DNAH11: variants seen among roughly 807,000 people sequenced by gnomAD.
DNAH11 encodes the protein axonemal beta dynein heavy chain 11.
A neutral mutation model predicts 526.0 loss-of-function variants in DNAH11; 442 were observed. The ratio of observed to expected loss-of-function variants is 0.84; its 90% CI spans 0.78 to 0.91. DNAH11 has a LOEUF of 0.91. Ranked by LOEUF, DNAH11 falls within the 40% of genes least tolerant of loss-of-function variation. The pLI is 0.00. For missense variants in DNAH11, 6,989 were observed against 5,448.7 expected (o/e 1.28, Z -8.90); for synonymous variants, 2,461 against 1,935.9 (o/e 1.27, Z -7.12).
At position 21,807,963 on chromosome 7, in the gene DNAH11, G is replaced by A; in HGVS notation, c.10246G>A (p.Ala3416Thr). 1.2e-6 allele frequency: 2 copies of A among 1,608,270 alleles called. No individual in the cohort carries two copies. The highest frequency in any genetic ancestry group is 2.2e-5 in the East Asian group (1 of 44,816). Residue 3416 changes from alanine (A) to threonine (T), a missense_variant, in exon 63 of 82, where the codon GCA (alanine) becomes ACA (threonine). Physicochemically the swap from Ala to Thr is moderately conservative, Grantham distance 58 (BLOSUM62 0). Transcript: ENST00000409508. ...TLCGDVLLTA[A>T]FVSYVGPFTR... Reference sequence around the variant, plus strand: ...CTGTGGAGATGTTCTTCTCACGGCGGCATTTGTGTCTTACGTCGGACCCTT... The same window carrying A: ...CTGTGGAGATGTTCTTCTCACGGCGACATTTGTGTCTTACGTCGGACCCTT...
At chr7:21,566,979 G>GA (rs992500624) in intron 6 of DNAH11, among the ~76,000 whole-genome samples, 3 of 152,054 alleles carry the variant, frequency 2.0e-5, no homozygotes, top group Non-Finnish European at 4.4e-5. Context: ...ACAGTATGCA[G>GA]AAAAAAACTA....
intron 46 of DNAH11, 93 bp from the exon 47 acceptor site, chr7:21,738,608 A>T: frequency 7.6e-7 from 1 of 1,315,396 alleles, no homozygotes; most frequent in Admixed American, 2.6e-5. Context: ...AGGGTGGATG[A>T]AATCGACAGA....
At chr7:21,900,945 CTT>C in intron 81 of DNAH11, 60 bp from the exon 82 acceptor site, 1 of 1,086,414 alleles carries the variant, frequency 9.2e-7, no homozygotes, top group Non-Finnish European at 1.3e-6. Flanking sequence ...AAACAACTTA[CTT>C]GATCATTATC....
Position 21,564,236 on chromosome 7 carries a change from C to T in DNAH11, c.1033C>T (p.His345Tyr). The T allele has an allele frequency of 6.2e-7, 1 of 1,612,468 alleles. No individual in the cohort carries two copies. The highest frequency in any genetic ancestry group is 8.5e-7 in the Non-Finnish European group (1 of 1,179,150). Residue 345 changes from histidine to tyrosine, a missense_variant, in exon 6 of 82, where the codon CAC becomes TAC. Coordinates refer to ENST00000409508, the MANE Select transcript of DNAH11 (RefSeq NM_001277115.2). ...VELYLRPLRR[H>Y]IQCLQETEFP... is the part of the protein sequence containing the mutation. ...ACTTTACCTGAGACCTCTGAGGAGA[C>T]ACATCCAGTGTCTCCAGGAGACGGA...
At chr7:21,821,910 T>C (rs1279464616) in intron 65 of DNAH11, among the ~76,000 whole-genome samples, 2 of 152,036 alleles carry the variant, frequency 1.3e-5, no homozygotes, top group Non-Finnish European at 2.9e-5. Context: ...CCTCTTTGCC[T>C]CCATGAGACC....
chr7:21,819,201 C>T (rs1789948457), intron 65 of DNAH11, among the ~76,000 whole-genome samples: 1 of 152,072 alleles, frequency 6.6e-6, no homozygotes, highest in Non-Finnish European at 1.5e-5. Flanking sequence ...TTCAGAACTT[C>T]CCCCACCCTG....
rs568599378 is a variant in DNAH11 at position 21,724,869 on chromosome 7, G to A, written c.7267-942G>A. 1.4e-4 allele frequency among the ~76,000 whole-genome samples: 19 copies of A among 135,966 alleles called. No individual in the cohort carries two copies. The South Asian group carries it at 4.6e-3, about 33-fold the overall frequency. The allele number at this position is 135,966 out of a possible 152,430, so 89.2% of individuals were successfully genotyped here. ...CAGTGACTGGACCAGATCATCCTAG[G>A]GATATAGGAGTCTCTGGGCCAGATT... On this transcript the variant is annotated intron_variant, in intron 44 of 81. Coordinates refer to ENST00000409508, the MANE Select transcript of DNAH11 (RefSeq NM_001277115.2).
chr7:21,653,391 A>G (rs529534579), intron 28 of DNAH11, among the ~76,000 whole-genome samples: 1 of 152,308 alleles, frequency 6.6e-6, no homozygotes, highest in African/African-American at 2.4e-5. Context: ...CAACTATGCC[A>G]TGTATAAGAA....
chr7:21,647,210 A>G (rs1787394490), intron 28 of DNAH11, among the ~76,000 whole-genome samples: 1 of 152,172 alleles, frequency 6.6e-6, no homozygotes, highest in African/African-American at 2.4e-5. Context: ...AAAGTACAAA[A>G]GTGTAAATTC....
Position 21,690,845 on chromosome 7 carries a change from G to A in DNAH11, c.6005G>A (p.Arg2002Gln), listed in dbSNP as rs755849132. The A allele has an allele frequency of 1.2e-5, 20 of 1,612,568 alleles. No individual in the cohort carries two copies. Among genetic ancestry groups the A allele is most frequent in the Admixed American group, 1.0e-4 (6 of 59,758 alleles). Residue 2002 changes from arginine (R) to glutamine (Q), a missense_variant, in exon 35 of 82, where the codon CGA (arginine) becomes CAA (glutamine). Arg to Gln is a conservative substitution (Grantham distance 43). Transcript: ENST00000409508. ...FITMNPGYAG[R>Q]TELPENLKAL... ...ACTATGAACCCGGGTTATGCTGGTCGAACCGAATTACCGGAAAATCTCAAA... is the reference window on the plus strand; with the variant it reads ...ACTATGAACCCGGGTTATGCTGGTCAAACCGAATTACCGGAAAATCTCAAA...
Position 21,800,828 on chromosome 7 carries a change from T to C in DNAH11, c.10027-309T>C, listed in dbSNP as rs561149624. On this transcript the variant is annotated intron_variant, in intron 61 of 81. Coordinates refer to ENST00000409508, the MANE Select transcript of DNAH11 (RefSeq NM_001277115.2). ...GTGCAAGAGCAGAGGGGGATGATAG[T>C]GCACCCACGGCGTATTTGCATCTTC... 7.2e-5 allele frequency among the ~76,000 whole-genome samples: 11 copies of C among 152,236 alleles called. No individual in the cohort carries two copies. The South Asian group carries it at 2.1e-3, about 29-fold the overall frequency.
chr7:21,735,999 G>A (rs1373448390), intron 46 of DNAH11, among the ~76,000 whole-genome samples, 155 bp downstream of exon 46: 1 of 152,168 alleles, frequency 6.6e-6, no homozygotes, highest in Non-Finnish European at 1.5e-5. Context: ...TTAAATATAC[G>A]TTGTTTAAAT....
Position 21,856,308 on chromosome 7 carries a change from T to C in DNAH11, c.11202+1853T>C, listed in dbSNP as rs184882630. On this transcript the variant is annotated intron_variant, in intron 68 of 81. Transcript: ENST00000409508. ...AGATATGATTTGAAGCTGGAATCAT[T>C]GGCTCCTGGAGATGGACTGGTTATG... Among the ~76,000 whole-genome samples, 11 of 152,278 alleles carry C rather than the reference T, an allele frequency of 7.2e-5. No homozygotes were observed. In the East Asian group the frequency reaches 1.9e-3, roughly 27 times the overall value.
At chr7:21,666,913 CAT>C (rs1782442607) in intron 30 of DNAH11, among the ~76,000 whole-genome samples, 1 of 151,782 alleles carries the variant, frequency 6.6e-6, no homozygotes, top group Middle Eastern at 3.4e-3. Context: ...TGAAAAAAAA[CAT>C]AGTGTTCCTA....
At chr7:21,821,179 T>C (rs1488892549) in intron 65 of DNAH11, among the ~76,000 whole-genome samples, 1 of 152,196 alleles carries the variant, frequency 6.6e-6, no homozygotes, top group Admixed American at 6.6e-5. Flanking sequence ...GAGAGATGTA[T>C]ATAGGAATGA....
In DNAH11 at chr7:21,752,204, G is replaced by T. The variant is rs1051383961; in HGVS notation, c.8940+1840G>T. On this transcript the variant is annotated intron_variant, in intron 54 of 81. Coordinates refer to ENST00000409508, the MANE Select transcript of DNAH11 (RefSeq NM_001277115.2). ...GTGTATATCTTTCATGCTCAACTTT[G>T]CTTGCTTCTACAGGATAAATTCCTA... Among the ~76,000 whole-genome samples, 5 of 152,326 alleles carry T rather than the reference G, an allele frequency of 3.3e-5. No homozygotes were observed. The East Asian group carries it at 5.8e-4, about 18-fold the overall frequency.
intron 57 of DNAH11, among the ~76,000 whole-genome samples, chr7:21,784,153 C>A (rs1168760404): frequency 6.6e-6 from 1 of 152,134 alleles, no homozygotes; most frequent in Admixed American, 6.5e-5. Context: ...ATTAGTGGTA[C>A]CTTATAATTG....
intron 66 of DNAH11, 35 bp downstream of exon 66, chr7:21,842,783 G>C: frequency 6.5e-7 from 1 of 1,540,272 alleles, no homozygotes; most frequent in African/African-American, 1.4e-5. Context: ...ACACTTAGTC[G>C]GCATTTGCTT....
intron 55 of DNAH11, among the ~76,000 whole-genome samples, chr7:21,772,488 T>C (rs1787483423): frequency 6.6e-6 from 1 of 152,054 alleles, no homozygotes; most frequent in African/African-American, 2.4e-5. Context: ...CCTGCACATG[T>C]CTGTATTGAA....
Sources: gnomAD v4.1 joint callset for allele counts (sites outside exome capture counted in the v4.1 genomes callset) on GRCh38, gnomAD v4.1.1 for gene constraint, MANE v1.5 for transcripts, NCBI Gene and HGNC (gene_info 2026-07-23, HGNC 2026-07-21) for gene names.